Variants in PPM1H observed in about 807,000 individuals in gnomAD.
PPM1H encodes the protein protein phosphatase, Mg2+/Mn2+ dependent 1H.
Under a neutral mutation model 54.9 loss-of-function variants are expected in PPM1H, and 27 were observed. That is an observed-to-expected ratio of 0.49 (90% CI 0.36 to 0.68). PPM1H has a LOEUF of 0.68. Among genes scored for constraint, PPM1H ranks in the 30% least tolerant of loss-of-function variants. The pLI is 0.00. For synonymous variants in PPM1H, 305 were observed against 270.8 expected (o/e 1.13, Z -1.24); for missense variants, 596 against 667.8 (o/e 0.89, Z 1.19).
chr12:62,789,945 T>C (rs1401550450), intron 3 of PPM1H, among the ~76,000 whole-genome samples: 1 of 152,202 alleles, frequency 6.6e-6, no homozygotes, highest in Non-Finnish European at 1.5e-5. Flanking sequence ...GCTAAAATAA[T>C]GCCAAATCTT....
At chr12:62,787,211 A>G (rs1054391347) in intron 4 of PPM1H, among the ~76,000 whole-genome samples, 1 of 152,120 alleles carries the variant, frequency 6.6e-6, no homozygotes, top group African/African-American at 2.4e-5. Flanking sequence ...AGCTGGAGAC[A>G]GGGAAGGGGA....
At chr12:62,759,363 T>G (rs2120604647) in intron 4 of PPM1H, among the ~76,000 whole-genome samples, 2 of 152,328 alleles carry the variant, frequency 1.3e-5, no homozygotes, top group Middle Eastern at 6.8e-3. Context: ...AAGCGGTCTA[T>G]TTTTACTCTC....
chr12:62,897,736 A>T (rs1321915866), intron 1 of PPM1H, among the ~76,000 whole-genome samples: 1 of 151,994 alleles, frequency 6.6e-6, no homozygotes, highest in East Asian at 1.9e-4. Flanking sequence ...CAAGCAGAAG[A>T]TCTCTTTCAA....
chr12:62,794,895 A>G (rs1015721269), intron 3 of PPM1H, among the ~76,000 whole-genome samples: 1 of 152,180 alleles, frequency 6.6e-6, no homozygotes, highest in African/African-American at 2.4e-5. Flanking sequence ...AGCAGAATTG[A>G]AGTCAGTCGG....
intron 1 of PPM1H, among the ~76,000 whole-genome samples, chr12:62,916,600 A>G (rs561000781): frequency 3.4e-4 from 52 of 152,308 alleles, no homozygotes; most frequent in African/African-American, 1.3e-3. Context: ...AAAGATATGT[A>G]CTTAAGTGCA....
intron 1 of PPM1H, among the ~76,000 whole-genome samples, chr12:62,922,091 T>C (rs969076575): frequency 6.6e-6 from 1 of 152,206 alleles, no homozygotes; most frequent in African/African-American, 2.4e-5. Flanking sequence ...AAAAATATAG[T>C]AATTTTGACA....
intron 1 of PPM1H, among the ~76,000 whole-genome samples, chr12:62,890,714 G>T (rs1239980975): frequency 8.7e-6 from 1 of 115,358 alleles, no homozygotes; most frequent in Admixed American, 9.9e-5. Context: ...TCGTGTGTGT[G>T]TATACACACA....
At chr12:62,811,867 T>C (rs779288685) in intron 2 of PPM1H, among the ~76,000 whole-genome samples, 11 of 152,226 alleles carry the variant, frequency 7.2e-5, no homozygotes, top group Non-Finnish European at 4.4e-5. Flanking sequence ...CAATCTCTGG[T>C]ATGTCTCAGC....
In PPM1H at chr12:62,906,050, A is replaced by G. The variant is rs191270446; in HGVS notation, c.245+28442T>C. 9.5e-4 allele frequency among the ~76,000 whole-genome samples: 144 copies of G among 152,332 alleles called. 1 individual carries two copies. On this transcript the variant is annotated intron_variant, in intron 1 of 9. Coordinates refer to ENST00000228705, the MANE Select transcript of PPM1H (RefSeq NM_020700.2). The stretch of plus-strand genomic sequence containing the variant: ...GCTGTAACAAATTGTGGACAAATAT[A>G]AAATGGAGCCTAGCCAGATGACCAG...
chr12:62,683,079 T>C (rs1430246095), intron 8 of PPM1H, among the ~76,000 whole-genome samples: 1 of 139,978 alleles, frequency 7.1e-6, no homozygotes, highest in African/African-American at 2.8e-5. Context: ...ATTATTATTA[T>C]TATTATTTTT....
chr12:62,932,636 T>TTTTTTTTTTTTTTTTTTTTTTTTG (rs1872180718), intron 1 of PPM1H, among the ~76,000 whole-genome samples: 1 of 127,484 alleles, frequency 7.8e-6, no homozygotes, highest in Admixed American at 8.0e-5. Context: ...GGCTTTTTTT[T>TTTTTTTTTTTTTTTTTTTTTTTTG]TTTTTTTTTT....
At chr12:62,778,396 C>A (rs763631477) in intron 4 of PPM1H, among the ~76,000 whole-genome samples, 2 of 152,224 alleles carry the variant, frequency 1.3e-5, no homozygotes, top group Middle Eastern at 3.4e-3. Context: ...TGGAATGCAC[C>A]CAGAAATGTT....
At chr12:62,822,932 T>A (rs2120821867) in intron 2 of PPM1H, among the ~76,000 whole-genome samples, 1 of 152,174 alleles carries the variant, frequency 6.6e-6, no homozygotes, top group East Asian at 1.9e-4. Context: ...AAAAAACCCT[T>A]CAAAAAAATC....
intron 1 of PPM1H, among the ~76,000 whole-genome samples, chr12:62,860,120 A>G (rs886261557): frequency 1.3e-5 from 2 of 152,210 alleles, no homozygotes; most frequent in Admixed American, 6.5e-5. Flanking sequence ...GGAAGCCTAC[A>G]ATCGAGTCAG....
At chr12:62,832,334 G>C in intron 1 of PPM1H, 55 bp from the exon 2 acceptor site, 2 of 1,528,642 alleles carry the variant, frequency 1.3e-6, no homozygotes, top group South Asian at 2.4e-5. Context: ...TGAGGGCACA[G>C]TCCCTTGTCA....
At chr12:62,924,343 G>A (rs10506469) in intron 1 of PPM1H, among the ~76,000 whole-genome samples, 13,136 of 152,252 alleles carry the variant, frequency 0.086, 719 homozygotes, top group East Asian at 0.22. Context: ...TACAGGGATG[G>A]AAGCCTCTTG....
intron 9 of PPM1H, chr12:62,658,817 A>G (rs1268902818): frequency 7.8e-6 from 4 of 515,850 alleles, no homozygotes; most frequent in Non-Finnish European, 7.2e-6. Flanking sequence ...CCTCCTTGGC[A>G]TCAGGGCCAA....
At chr12:62,657,467 G>A (rs933210953) in intron 9 of PPM1H, among the ~76,000 whole-genome samples, 2 of 152,150 alleles carry the variant, frequency 1.3e-5, no homozygotes, top group African/African-American at 4.8e-5. Flanking sequence ...GGCTGCCACA[G>A]CCAGGACCTC....
At chr12:62,798,379 A>T (rs2076748326) in intron 3 of PPM1H, among the ~76,000 whole-genome samples, 1 of 152,226 alleles carries the variant, frequency 6.6e-6, no homozygotes, top group African/African-American at 2.4e-5. Context: ...CATCTGTAGT[A>T]TCTGCTTAGG....
Sources: allele counts gnomAD v4.1 joint callset (sites outside exome capture counted in the v4.1 genomes callset), GRCh38; gene constraint gnomAD v4.1.1; transcripts MANE v1.5; gene names NCBI Gene and HGNC (gene_info 2026-07-23, HGNC 2026-07-21).